The following TRUB2 variants were observed in gnomAD, a reference collection of about 807,000 sequenced individuals.
The protein encoded by TRUB2 is TruB pseudouridine synthase family member 2.
Under a neutral mutation model 31.9 loss-of-function variants are expected in TRUB2, and 31 were observed. The observed-to-expected ratio is 0.97, with a 90% CI of 0.73 to 1.31. TRUB2 has a LOEUF of 1.31. Among genes scored for constraint, TRUB2 ranks in the 50% most tolerant of loss-of-function variants. TRUB2 has a pLI of 0.00. For synonymous variants in TRUB2, 201 were observed against 182.6 expected, an observed-to-expected ratio of 1.10 and a Z score of -0.81; for missense variants, 451 against 439.6, an observed-to-expected ratio of 1.03 and a Z score of -0.23.
At chr9:128,311,077 C>T in intron 6 of TRUB2, 54 bp from the exon 7 acceptor site, 21 of 1,594,718 alleles carry the variant, frequency 1.3e-5, no homozygotes, top group Non-Finnish European at 1.8e-5. Flanking sequence ...CTTTCCCCCA[C>T]ATGAGGTGCC....
At position 128,321,712 on chromosome 9, in the gene TRUB2, G is replaced by C; in HGVS notation, c.128C>G (p.Pro43Arg). The change falls in exon 2 of 8, where the codon CCT becomes CGT. Residue 43 changes from proline (P) to arginine (R), a missense_variant. Coordinates refer to ENST00000372890, the MANE Select transcript of TRUB2 (RefSeq NM_015679.3). ...GCGAACACGCTGTTTAGGAGCGGGA[G>C]GCTTCCTGGCATTGAGACCTGAACA... ...QLLKGLNARK[P>R]PAPKQRVRFL... 6.2e-7 allele frequency: 1 copy of C among 1,613,610 alleles called. No homozygotes were observed. The highest frequency in any genetic ancestry group is 8.5e-7 in the Non-Finnish European group (1 of 1,180,018).
At chr9:128,311,787 TGGA>T (rs369645449) in intron 5 of TRUB2, among the ~76,000 whole-genome samples, 186 bp from the exon 6 acceptor site, 41,208 of 150,466 alleles carry the variant, frequency 0.27, 10,305 homozygotes, top group African/African-American at 0.67. Context: ...AGAAAGATAC[TGGA>T]TCTCAGAAAG....
At position 128,310,902 on chromosome 9, in the gene TRUB2, G is replaced by C; in HGVS notation, c.655C>G (p.Pro219Ala). ...GCCAACCTACCTAAGAGGAATTCCGGAGGTGCAAAGTAGAGGCATCGGATG... is the reference window on the plus strand; with the variant it reads ...GCCAACCTACCTAAGAGGAATTCCGCAGGTGCAAAGTAGAGGCATCGGATG... Reference protein sequence around the residue: ...TGIRCLYFAPPEFLLEVQCMH... With the variant: ...TGIRCLYFAPAEFLLEVQCMH... The change falls in exon 7 of 8, where the codon CCG (proline) becomes GCG (alanine). Residue 219 changes from proline to alanine, a missense_variant. By Grantham distance (27) the Pro-to-Ala change is conservative (BLOSUM62 -1). Coordinates refer to ENST00000372890, the MANE Select transcript of TRUB2 (RefSeq NM_015679.3). 6.2e-7 allele frequency: 1 copy of C among 1,614,208 alleles called. No homozygotes were observed. The highest frequency in any genetic ancestry group is 8.5e-7 in the Non-Finnish European group (1 of 1,180,022).
intron 2 of TRUB2, among the ~76,000 whole-genome samples, chr9:128,320,663 C>T (rs934310332): frequency 3.9e-5 from 6 of 152,252 alleles, no homozygotes; most frequent in Non-Finnish European, 7.4e-5. Context: ...TAGGGTTTCC[C>T]CATGTTGCCC....
At chr9:128,309,925 G>T in intron 7 of TRUB2, 50 bp from the exon 8 acceptor site, 1 of 1,577,042 alleles carries the variant, frequency 6.3e-7, no homozygotes, top group Non-Finnish European at 8.6e-7. Context: ...ACAGCCTCTA[G>T]TGTGTGGTTG....
At chr9:128,315,202 G>C (rs928171009) in intron 4 of TRUB2, among the ~76,000 whole-genome samples, 1 of 152,118 alleles carries the variant, frequency 6.6e-6, no homozygotes, top group Non-Finnish European at 1.5e-5. Flanking sequence ...GAGAGACCTA[G>C]GTTCAAATCC....
chr9:128,312,288 C>A (rs902694578), intron 5 of TRUB2, among the ~76,000 whole-genome samples: 16 of 151,730 alleles, frequency 1.1e-4, no homozygotes, highest in Non-Finnish European at 1.5e-4. Flanking sequence ...AAGGTACACG[C>A]CAAGACACCC....
chr9:128,313,757 C>G, intron 5 of TRUB2, 51 bp downstream of exon 5: 1 of 1,560,384 alleles, frequency 6.4e-7, no homozygotes, highest in South Asian at 1.1e-5. Context: ...GGAGAGGACT[C>G]AGGGAAAGCA....
At chr9:128,313,722 A>T in intron 5 of TRUB2, 86 bp downstream of exon 5, 3 of 1,209,636 alleles carry the variant, frequency 2.5e-6, no homozygotes, top group Non-Finnish European at 3.7e-6. Context: ...TGGAACTGAG[A>T]AGGGGCCAGC....
chr9:128,321,375 T>C (rs1353834149), intron 2 of TRUB2, among the ~76,000 whole-genome samples: 1 of 152,216 alleles, frequency 6.6e-6, no homozygotes, highest in Non-Finnish European at 1.5e-5. Context: ...TGTTTGGCAC[T>C]ACATTGGCAG....
rs182079957 is a variant in TRUB2, at chr9:128,311,423, G to T, written c.533+106C>A. ...AAACAGGTAGCTCCCGTCTGGTTCT[G>T]GGCTCTAAAAACAAGATCCATGGAA... On this transcript the variant is annotated intron_variant, in intron 6 of 7. Coordinates refer to ENST00000372890, the MANE Select transcript of TRUB2 (RefSeq NM_015679.3). 2.7e-5 allele frequency: 31 copies of T among 1,146,918 alleles called. No homozygotes were observed. The African/African-American group carries it at 4.1e-4, about 15-fold the overall frequency. The allele number at this position is 1,146,918 out of a possible 1,614,324, so 71.0% of individuals were successfully genotyped here.
At chr9:128,317,881 C>A (rs1009659062) in intron 2 of TRUB2, among the ~76,000 whole-genome samples, 1 of 152,204 alleles carries the variant, frequency 6.6e-6, no homozygotes, top group African/African-American at 2.4e-5. Flanking sequence ...ATACATTATA[C>A]TTCTTATTGT....
chr9:128,311,117 G>T, intron 6 of TRUB2, 94 bp from the exon 7 acceptor site: 1 of 1,530,812 alleles, frequency 6.5e-7, no homozygotes, highest in Non-Finnish European at 8.9e-7. Context: ...TGCTTTGTGT[G>T]CCCTGCCACC....
chr9:128,306,285 A>T lies in TRUB2; in HGVS notation c.*3265T>A, dbSNP rs1366078388. The T allele has an allele frequency of 2.0e-5, 3 of 152,116 alleles. No homozygotes were observed. The highest frequency in any genetic ancestry group is 7.2e-5 in the African/African-American group (3 of 41,416). The allele number at this position is 152,116 out of a possible 1,614,324, so 9.4% of individuals were successfully genotyped here. A position where few individuals can be genotyped will look rare whatever the true frequency, so the allele number is the denominator to read the frequency against. ...TCATCTCTATGCCAATAAGGGCTCTAAATGGGGTGGTGTGACAGCCCATGT... is the reference window on the plus strand; with the variant it reads ...TCATCTCTATGCCAATAAGGGCTCTTAATGGGGTGGTGTGACAGCCCATGT... On this transcript the variant is annotated 3_prime_UTR_variant, in exon 8 of 8. Coordinates refer to ENST00000372890, the MANE Select transcript of TRUB2 (RefSeq NM_015679.3).
chr9:128,316,863 A>G (rs1832077244), intron 3 of TRUB2: 1 of 359,294 alleles, frequency 2.8e-6, no homozygotes, highest in African/African-American at 2.1e-5. Context: ...ATAAAATCAT[A>G]TAGTATCTAC....
chr9:128,321,702 A>G lies in TRUB2; in HGVS notation c.138T>C (p.Pro46=), dbSNP rs1832181795. 1.2e-6 allele frequency: 2 copies of G among 1,613,760 alleles called. No individual in the cohort carries two copies. The highest frequency in any genetic ancestry group is 1.7e-6 in the Non-Finnish European group (2 of 1,180,038). ...KGLNARKPPA[P]KQRVRFLLGP... is the part of the protein sequence containing the mutation. ...CCAGCAAGAAGCGAACACGCTGTTT[A>G]GGAGCGGGAGGCTTCCTGGCATTGA... Residue 46 remains proline, a synonymous_variant, in exon 2 of 8, where the codon CCT becomes CCC. Transcript: ENST00000372890.
At chr9:128,311,671 C>G in intron 5 of TRUB2, 70 bp from the exon 6 acceptor site, 4 of 1,521,384 alleles carry the variant, frequency 2.6e-6, no homozygotes, top group East Asian at 4.6e-5. Context: ...CTCCTTCCCC[C>G]CAGGCCAGCC....
In TRUB2 at chr9:128,317,237, A is replaced by G; in HGVS notation, c.242-11T>C. 6.3e-7 allele frequency: 1 copy of G among 1,576,320 alleles called. No individual in the cohort carries two copies. The highest frequency in any genetic ancestry group is 1.7e-5 in the Admixed American group (1 of 57,208). The stretch of plus-strand genomic sequence containing the variant: ...ATGCTGGTCCACATACTGGAAAGAA[A>G]CAAACAAGGTCCATTTTCTCAACTA... On this transcript the variant is annotated splice_polypyrimidine_tract_variant and intron_variant, in intron 2 of 7. Coordinates refer to ENST00000372890, the MANE Select transcript of TRUB2 (RefSeq NM_015679.3).
chr9:128,322,380 T>C lies in TRUB2; in HGVS notation c.29A>G (p.His10Arg), dbSNP rs371765061. The change falls in exon 1 of 8, where the codon CAT becomes CGT. Residue 10 changes from histidine to arginine, a missense_variant. Transcript: ENST00000372890. Reference protein sequence around the residue: MGSAGLSRLHGLFAVYKPPG... With the variant: MGSAGLSRLRGLFAVYKPPG... ...GGGCTTATAGACCGCGAAAAGCCCA[T>C]GCAGCCGCGACAAGCCAGCAGACCC... 37 of 1,614,010 alleles carry C rather than the reference T, an allele frequency of 2.3e-5. No individual in the cohort carries two copies. The Admixed American group carries it at 2.5e-4, about 11-fold the overall frequency.
Sources: allele counts gnomAD v4.1 joint callset (sites outside exome capture counted in the v4.1 genomes callset), GRCh38; gene constraint gnomAD v4.1.1; transcripts MANE v1.5; gene names NCBI Gene and HGNC (gene_info 2026-07-23, HGNC 2026-07-21).